CCDC7: variants seen among roughly 807,000 people sequenced by gnomAD.
CCDC7 encodes the protein coiled-coil domain-containing protein 7.
Under a neutral mutation model 196.9 loss-of-function variants are expected in CCDC7, and 183 were observed. That is an observed-to-expected ratio of 0.93 (90% CI 0.82 to 1.05). The LOEUF (loss-of-function observed/expected upper bound fraction) is 1.05, where lower values mean the gene tolerates loss of function less well. CCDC7 is among the 50% of genes least tolerant of loss of function. The pLI, the probability that CCDC7 is intolerant of heterozygous loss-of-function variation, is 0.00. For synonymous variants in CCDC7, 525 were observed against 484.6 expected (o/e 1.08, Z -1.10); for missense variants, 1,540 against 1,482.2 (o/e 1.04, Z -0.64).
At chr10:32,575,156 G>A (rs1317851180) in intron 16 of CCDC7, among the ~76,000 whole-genome samples, 1 of 152,146 alleles carries the variant, frequency 6.6e-6, no homozygotes, top group Non-Finnish European at 1.5e-5. Context: ...AATTTAGATT[G>A]GGTGGTCAAG....
intron 18 of CCDC7, among the ~76,000 whole-genome samples, chr10:32,601,992 C>T (rs563129823): frequency 3.3e-4 from 50 of 152,266 alleles, no homozygotes; most frequent in African/African-American, 1.1e-3. Context: ...GAGCCAGCAG[C>T]GGCAACCTGA....
At chr10:32,846,495 C>T (rs1786893307) in intron 37 of CCDC7, 36 bp downstream of exon 38, 1 of 1,305,162 alleles carries the variant, frequency 7.7e-7, no homozygotes, top group Admixed American at 1.8e-5. Context: ...ATATTTGTGA[C>T]CTATTTATGT....
In CCDC7 at chr10:32,577,502, C is replaced by T. The variant is rs530927844; in HGVS notation, c.1455-5532C>T. On this transcript the variant is annotated intron_variant, in intron 16 of 41. Transcript: ENST00000639629. ...TGTGCTCTATGGCCATGAAGAATGC[C>T]TGAAGTTTACCCAGTTTTGAAGCAT... Among the ~76,000 whole-genome samples the T allele has an allele frequency of 3.9e-5, 6 of 152,224 alleles. No individual in the cohort carries two copies. The South Asian group carries it at 1.2e-3, about 32-fold the overall frequency.
At chr10:32,481,282 A>T (rs536653750) in intron 8 of CCDC7, among the ~76,000 whole-genome samples, 1 of 152,250 alleles carries the variant, frequency 6.6e-6, no homozygotes, top group South Asian at 2.1e-4. Flanking sequence ...TGAATTGAAT[A>T]ATTTGATCCA....
intron 28 of CCDC7, among the ~76,000 whole-genome samples, chr10:32,742,257 A>AT (rs770005471): frequency 1.3e-5 from 2 of 152,126 alleles, no homozygotes; most frequent in Non-Finnish European, 2.9e-5. Context: ...GCCTTCTGCC[A>AT]TTCCCCCCAC....
chr10:32,753,280 A>G (rs577453964), intron 28 of CCDC7, among the ~76,000 whole-genome samples: 1 of 152,284 alleles, frequency 6.6e-6, no homozygotes, highest in East Asian at 1.9e-4. Flanking sequence ...AGTCATATTC[A>G]TATTCAGAAG....
At chr10:32,778,233 G>T (rs1427041869) in intron 28 of CCDC7, among the ~76,000 whole-genome samples, 1 of 152,114 alleles carries the variant, frequency 6.6e-6, no homozygotes, top group Non-Finnish European at 1.5e-5. Flanking sequence ...AATTGCTTTT[G>T]AAGAGATAGC....
At chr10:32,673,148 A>G (rs534710662) in intron 21 of CCDC7, among the ~76,000 whole-genome samples, 42 of 152,106 alleles carry the variant, frequency 2.8e-4, no homozygotes, top group Non-Finnish European at 5.3e-4. Context: ...ACATTGGTGT[A>G]TATGTCTTTT....
At chr10:32,724,887 G>C (rs1426032232) in intron 25 of CCDC7, among the ~76,000 whole-genome samples, 1 of 152,112 alleles carries the variant, frequency 6.6e-6, no homozygotes, top group African/African-American at 2.4e-5. Flanking sequence ...TGCACTGGCT[G>C]TATGTTACAT....
At chr10:32,867,195 G>T (rs992992041) in intron 41 of CCDC7, among the ~76,000 whole-genome samples, 6 of 151,538 alleles carry the variant, frequency 4.0e-5, no homozygotes, top group Admixed American at 1.3e-4. Flanking sequence ...ACTTGAATAT[G>T]GGTTATGAAT....
At chr10:32,745,421 C>G (rs1323928702) in intron 28 of CCDC7, among the ~76,000 whole-genome samples, 7 of 152,160 alleles carry the variant, frequency 4.6e-5, no homozygotes, top group Non-Finnish European at 8.8e-5. Flanking sequence ...GAAGCTTTAA[C>G]TCACAATGTA....
chr10:32,849,150 C>T (rs1268248887), intron 39 of CCDC7, among the ~76,000 whole-genome samples: 1 of 149,796 alleles, frequency 6.7e-6, no homozygotes, highest in African/African-American at 2.5e-5. Flanking sequence ...CCGAAAGTTA[C>T]TAAATTATAT....
downstream of CCDC7, among the ~76,000 whole-genome samples, chr10:32,879,980 T>C (rs2094729879): frequency 6.6e-6 from 1 of 152,196 alleles, no homozygotes; most frequent in South Asian, 2.1e-4. Context: ...ATTCCATGTC[T>C]TTGCTATTAT....
At chr10:32,634,297 A>G in exon 19 of CCDC7, 1 of 1,220,312 alleles carries the variant, frequency 8.2e-7, no homozygotes, top group Non-Finnish European at 1.0e-6. Flanking sequence ...TTGAAAATAA[A>G]GATTCAGTAA....
At chr10:32,703,075 T>G (rs2079039394) in intron 24 of CCDC7, among the ~76,000 whole-genome samples, 1 of 152,158 alleles carries the variant, frequency 6.6e-6, no homozygotes, top group African/African-American at 2.4e-5. Flanking sequence ...TAGCTGGTTA[T>G]TTGCTCGTTA....
intron 18 of CCDC7, among the ~76,000 whole-genome samples, chr10:32,587,272 A>G (rs1385693506): frequency 6.6e-6 from 1 of 152,270 alleles, no homozygotes; most frequent in East Asian, 1.9e-4. Flanking sequence ...TGGCTAATAT[A>G]AAGAAAAATT....
chr10:32,774,479 G>A (rs1313047759), intron 28 of CCDC7, among the ~76,000 whole-genome samples: 1 of 152,118 alleles, frequency 6.6e-6, no homozygotes, highest in East Asian at 1.9e-4. Context: ...TGTGAGTGGT[G>A]TTAGCCCTGC....
intron 28 of CCDC7, among the ~76,000 whole-genome samples, chr10:32,773,623 C>A (rs903820882): frequency 1.3e-5 from 2 of 151,946 alleles, no homozygotes; most frequent in African/African-American, 4.8e-5. Context: ...ATTCCTTTAA[C>A]TTTTAAAAGT....
At chr10:32,527,116 G>A (rs958433423) in intron 11 of CCDC7, among the ~76,000 whole-genome samples, 6 of 152,078 alleles carry the variant, frequency 3.9e-5, no homozygotes, top group Non-Finnish European at 7.4e-5. Flanking sequence ...CTCTGGCAAG[G>A]GCTGGTGCAA....
Sources: allele counts gnomAD v4.1 joint callset (sites outside exome capture counted in the v4.1 genomes callset), GRCh38; gene constraint gnomAD v4.1.1; transcripts MANE v1.5; gene names NCBI Gene and HGNC (gene_info 2026-07-23, HGNC 2026-07-21).